GOLIM4: variants seen among roughly 807,000 people sequenced by gnomAD.
GOLIM4 encodes golgi integral membrane protein 4, also known as 130 kDa golgi-localized phosphoprotein.
GOLIM4 carries 71 observed loss-of-function variants against 107.4 expected under a neutral mutation model. The observed-to-expected ratio is 0.66, with a 90% CI of 0.55 to 0.81. GOLIM4 has a LOEUF of 0.81. Among genes scored for constraint, GOLIM4 ranks in the 30% least tolerant of loss-of-function variants. GOLIM4 has a pLI of 0.00. For missense variants in GOLIM4, 830 were observed against 826.1 expected (o/e 1.00, Z -0.06); for synonymous variants, 327 against 294.8 (o/e 1.11, Z -1.12).
At chr3:168,051,023 GTTTACT>G (rs1560090610) in intron 1 of GOLIM4, among the ~76,000 whole-genome samples, 3 of 152,010 alleles carry the variant, frequency 2.0e-5, no homozygotes, top group Non-Finnish European at 4.4e-5. Context: ...TGGAATTGCT[GTTTACT>G]TAATACAATG....
intron 1 of GOLIM4, among the ~76,000 whole-genome samples, chr3:168,062,279 C>T (rs977967794): frequency 1.3e-5 from 2 of 152,116 alleles, no homozygotes; most frequent in African/African-American, 4.8e-5. Flanking sequence ...CTGGTGCCAT[C>T]ACTGGAAATC....
At chr3:168,037,471 C>T (rs1718727032) in intron 7 of GOLIM4, among the ~76,000 whole-genome samples, 2 of 151,830 alleles carry the variant, frequency 1.3e-5, no homozygotes, top group Non-Finnish European at 2.9e-5. Context: ...CACACACACA[C>T]AAACACACAC....
In GOLIM4 at chr3:168,027,465, C is replaced by G. The variant is rs367861568; in HGVS notation, c.1623+263G>C. Among the ~76,000 whole-genome samples, 131 of 148,728 alleles carry G rather than the reference C, an allele frequency of 8.8e-4. 4 individuals are homozygous for G. The South Asian group carries it at 0.026, about 30-fold the overall frequency. ...TTTTCTAGGTTTTAGTTTTATTAAT[C>G]TAAAAGTCATCAGAAAAAAAAAATC... On this transcript the variant is annotated intron_variant, in intron 12 of 15. Coordinates refer to ENST00000470487, the MANE Select transcript of GOLIM4 (RefSeq NM_014498.5).
At position 168,059,440 on chromosome 3, in the gene GOLIM4, TA is replaced by T. The variant is rs368745843; in HGVS notation, c.188-11076del. 3.7e-3 allele frequency among the ~76,000 whole-genome samples: 563 copies of T among 152,356 alleles called. 2 individuals carry two copies. Among genetic ancestry groups the T allele is most frequent in the African/African-American group, 0.013 (538 of 41,592 alleles). On this transcript the variant is annotated intron_variant, in intron 1 of 15. Coordinates refer to ENST00000470487, the MANE Select transcript of GOLIM4 (RefSeq NM_014498.5). Reference sequence around the variant, plus strand: ...TGCAACATATCTTGGAAAAGGTTCATAAAAGTAAGTCTTGTAAAAAGATGCT... The same window carrying T: ...TGCAACATATCTTGGAAAAGGTTCATAAAGTAAGTCTTGTAAAAAGATGCT...
At chr3:168,048,528 C>A (rs1422913656) in intron 1 of GOLIM4, among the ~76,000 whole-genome samples, 163 bp from the exon 2 acceptor site, 1 of 152,180 alleles carries the variant, frequency 6.6e-6, no homozygotes, top group Non-Finnish European at 1.5e-5. Flanking sequence ...AACAGACATA[C>A]TAATAGGCAT....
intron 14 of GOLIM4, among the ~76,000 whole-genome samples, chr3:168,012,407 G>A (rs1319630439): frequency 3.4e-5 from 5 of 147,136 alleles, no homozygotes; most frequent in South Asian, 2.1e-4. Flanking sequence ...CCAAATCTAC[G>A]TCTGAATGGT....
intron 14 of GOLIM4, among the ~76,000 whole-genome samples, chr3:168,017,798 A>C (rs1236639768): frequency 6.6e-6 from 1 of 152,200 alleles, no homozygotes. Context: ...TCTTTATGAA[A>C]TAGTCTATTG....
At chr3:168,059,229 C>T (rs979187297) in intron 1 of GOLIM4, among the ~76,000 whole-genome samples, 1 of 152,100 alleles carries the variant, frequency 6.6e-6, no homozygotes, top group Non-Finnish European at 1.5e-5. Flanking sequence ...AGGAAACAAC[C>T]TAAAATCCAA....
At chr3:168,092,596 A>C (rs538066945) in intron 1 of GOLIM4, among the ~76,000 whole-genome samples, 5 of 152,332 alleles carry the variant, frequency 3.3e-5, no homozygotes, top group African/African-American at 1.2e-4. Context: ...CTCTTTTTAA[A>C]GTCATTAATT....
At chr3:168,039,650 T>G (rs902744690) in intron 7 of GOLIM4, among the ~76,000 whole-genome samples, 2 of 152,190 alleles carry the variant, frequency 1.3e-5, no homozygotes, top group Non-Finnish European at 2.9e-5. Flanking sequence ...AAATAAATGA[T>G]TTTACTTATC....
chr3:168,042,441 C>T (rs567675786), intron 5 of GOLIM4, among the ~76,000 whole-genome samples: 51 of 152,174 alleles, frequency 3.4e-4, no homozygotes, highest in South Asian at 1.2e-3. Flanking sequence ...CCACGATGCC[C>T]GGCTAATTTT....
chr3:168,055,383 T>C (rs1440027586), intron 1 of GOLIM4, among the ~76,000 whole-genome samples: 1 of 152,208 alleles, frequency 6.6e-6, no homozygotes, highest in Non-Finnish European at 1.5e-5. Flanking sequence ...TGGCTTCTGT[T>C]ATATTTTAGC....
intron 1 of GOLIM4, among the ~76,000 whole-genome samples, chr3:168,068,954 A>T (rs1231113177): frequency 6.6e-6 from 1 of 151,602 alleles, no homozygotes; most frequent in Non-Finnish European, 1.5e-5. Flanking sequence ...CTCCTGCCTC[A>T]GCCTCCTGAG....
chr3:168,055,062 T>C (rs1277345719), intron 1 of GOLIM4, among the ~76,000 whole-genome samples: 1 of 152,180 alleles, frequency 6.6e-6, no homozygotes, highest in Non-Finnish European at 1.5e-5. Flanking sequence ...CTTTTGTAAA[T>C]TGCCCAGTCT....
rs1283088663 is a variant in GOLIM4 at position 168,010,559 on chromosome 3, CTG to C, written c.1942-143_1942-142del. ...AAATGATATGTAAGCAACAGTGCTG[CTG>C]TCTCTCCTACTTTTCATGTTGTCAC... On this transcript the variant is annotated intron_variant, in intron 15 of 15. Coordinates refer to ENST00000470487, the MANE Select transcript of GOLIM4 (RefSeq NM_014498.5). 16 of 746,902 alleles carry C rather than the reference CTG, an allele frequency of 2.1e-5. No individual in the cohort carries two copies. In the East Asian group the frequency reaches 4.2e-4, roughly 20 times the overall value. 46.3% of individuals were successfully genotyped at this position (746,902 alleles called of 1,614,324 possible).
intron 3 of GOLIM4, among the ~76,000 whole-genome samples, chr3:168,045,913 G>C (rs1719274192): frequency 6.6e-6 from 1 of 152,124 alleles, no homozygotes; most frequent in Admixed American, 6.6e-5. Context: ...GATAGGGTCT[G>C]CCCTGTTGTC....
intron 1 of GOLIM4, among the ~76,000 whole-genome samples, chr3:168,075,232 A>C (rs1021719813): frequency 6.6e-6 from 1 of 151,626 alleles, no homozygotes; most frequent in East Asian, 1.9e-4. Flanking sequence ...AATGACAAGA[A>C]GTATTTCTTT....
rs1332888678 is a variant in GOLIM4, at chr3:168,009,973, A to C, written c.*296T>G. 4.3e-6 allele frequency: 1 copy of C among 233,274 alleles called. No individual in the cohort carries two copies. Among genetic ancestry groups the C allele is most frequent in the Non-Finnish European group, 8.2e-6 (1 of 122,664 alleles). 14.5% of individuals were successfully genotyped at this position (233,274 alleles called of 1,614,324 possible). ...GGTAACACGCTGAAACATATACAAA[A>C]TCAATGAGCTTTCCAACATCACATA... On this transcript the variant is annotated 3_prime_UTR_variant, in exon 16 of 16. Coordinates refer to ENST00000470487, the MANE Select transcript of GOLIM4 (RefSeq NM_014498.5).
At chr3:168,088,889 G>C (rs1328619675) in intron 1 of GOLIM4, among the ~76,000 whole-genome samples, 1 of 152,140 alleles carries the variant, frequency 6.6e-6, no homozygotes, top group African/African-American at 2.4e-5. Flanking sequence ...ATCAAGGCAA[G>C]GCTTCCAATC....
Sources: allele counts gnomAD v4.1 joint callset (sites outside exome capture counted in the v4.1 genomes callset), GRCh38; gene constraint gnomAD v4.1.1; transcripts MANE v1.5; gene names NCBI Gene and HGNC (gene_info 2026-07-23, HGNC 2026-07-21).